The following DST variants were observed in gnomAD, a reference collection of about 807,000 sequenced individuals.
The protein encoded by DST is dystonin, also known as bullous pemphigoid antigen.
Under a neutral mutation model 875.2 loss-of-function variants are expected in DST, and 253 were observed. The observed-to-expected ratio is 0.29, with a 90% CI of 0.26 to 0.32. The LOEUF (loss-of-function observed/expected upper bound fraction) is 0.32, where lower values mean the gene tolerates loss of function less well. DST is among the 10% of genes least tolerant of loss of function. DST has a pLI of 1.00. For missense variants in DST, 8,287 were observed against 9,111.6 expected (o/e 0.91, Z 3.68); for synonymous variants, 3,124 against 3,197.1 (o/e 0.98, Z 0.77).
chr6:56,633,274 T>G (rs921173567), intron 27 of DST, among the ~76,000 whole-genome samples: 1 of 147,282 alleles, frequency 6.8e-6, no homozygotes, highest in Non-Finnish European at 1.5e-5. Flanking sequence ...TCGCCCAGGC[T>G]GGAGTGCAGT....
chr6:56,678,870 T>G (rs1037873799), intron 9 of DST, among the ~76,000 whole-genome samples: 1 of 152,216 alleles, frequency 6.6e-6, no homozygotes, highest in African/African-American at 2.4e-5. Context: ...TTCCCACAAA[T>G]TGCTGCCGCC....
In DST at chr6:56,664,326, G is replaced by A. The variant is rs567011725; in HGVS notation, c.1214+6315C>T. On this transcript the variant is annotated intron_variant, in intron 10 of 103. Transcript: ENST00000680361. ...GGAGAGAATGAGAGAAGCCAGACAA[G>A]TCAGAGGCTAAATTTCAAGCTGGAA... Among the ~76,000 whole-genome samples the A allele has an allele frequency of 1.1e-4, 17 of 152,340 alleles. No individual in the cohort carries two copies. In the South Asian group the frequency reaches 2.9e-3, roughly 26 times the overall value.
intron 4 of DST, among the ~76,000 whole-genome samples, chr6:56,747,590 A>C (rs2099576378): frequency 1.3e-5 from 2 of 152,222 alleles, no homozygotes; most frequent in Admixed American, 1.3e-4. Context: ...TGCTGATCTG[A>C]GTCACTGTTT....
At chr6:56,836,667 G>A (rs2099793916) in intron 4 of DST, among the ~76,000 whole-genome samples, 1 of 151,536 alleles carries the variant, frequency 6.6e-6, no homozygotes, top group Non-Finnish European at 1.5e-5. Flanking sequence ...TGGCTAACAC[G>A]GTGAAACCCC....
At chr6:56,743,891 C>T (rs544456464) in intron 4 of DST, among the ~76,000 whole-genome samples, 2 of 152,206 alleles carry the variant, frequency 1.3e-5, no homozygotes, top group Admixed American at 6.5e-5. Context: ...TGATGGCTCA[C>T]GCCTGTAATC....
chr6:56,728,098 A>G (rs2099474381), intron 5 of DST, among the ~76,000 whole-genome samples: 1 of 152,224 alleles, frequency 6.6e-6, no homozygotes, highest in Admixed American at 6.5e-5. Context: ...AGAAGAAGAA[A>G]AACTATAAGT....
At position 56,629,370 on chromosome 6, in the gene DST, G is replaced by A. The variant is rs1204319451; in HGVS notation, c.4355C>T (p.Ala1452Val). The A allele has an allele frequency of 6.2e-7, 1 of 1,613,552 alleles. No individual in the cohort carries two copies. The highest frequency in any genetic ancestry group is 1.1e-5 in the South Asian group (1 of 91,070). ...CGTTTTAAACATTTCATCACTGATG[G>A]CTTTAGCTTTCTGCAACTCATCCTC... Reference protein sequence around the residue: ...ALEDELQKAKAISDEMFKTYK... With the variant: ...ALEDELQKAKVISDEMFKTYK... The change falls in exon 32 of 104, where the codon GCC (alanine) becomes GTC (valine). Residue 1452 changes from alanine (A) to valine (V), a missense_variant. Around this residue, in one of 10 missense-constraint regions of DST, gnomAD observed 3,138 missense variants for 3,116.6 expected, o/e 1.01. Transcript: ENST00000680361.
chr6:56,843,412 A>C, intron 4 of DST: 1 of 1,094,350 alleles, frequency 9.1e-7, no homozygotes, highest in Non-Finnish European at 1.1e-6. Flanking sequence ...GGGTTTCAGC[A>C]GCGGCAAATC....
chr6:56,794,646 G>C (rs1291034951), intron 4 of DST, among the ~76,000 whole-genome samples: 2 of 152,182 alleles, frequency 1.3e-5, no homozygotes, highest in African/African-American at 4.8e-5. Flanking sequence ...GTCTAAGACA[G>C]AGATTCCTCT....
intron 13 of DST, among the ~76,000 whole-genome samples, chr6:56,646,672 C>G (rs2098944629): frequency 6.6e-6 from 1 of 151,718 alleles, no homozygotes. Context: ...CAATGTCCCA[C>G]TGGCAAATTT....
chr6:56,929,202 C>T (rs9475755), intron 2 of DST, among the ~76,000 whole-genome samples: 4,449 of 152,150 alleles, frequency 0.029, 194 homozygotes, highest in African/African-American at 0.1. Flanking sequence ...TATTTGATTC[C>T]ATAATTCTCC....
At chr6:56,619,536 T>C in intron 36 of DST, 1 of 1,612,838 alleles carries the variant, frequency 6.2e-7, no homozygotes, top group Non-Finnish European at 8.5e-7. Context: ...TGCTGAATAT[T>C]CTTCTCAGCT....
chr6:56,566,806 T>C (rs149872890), intron 55 of DST, among the ~76,000 whole-genome samples: 1 of 152,226 alleles, frequency 6.6e-6, no homozygotes, highest in Non-Finnish European at 1.5e-5. Context: ...CTGGTGCAGT[T>C]ACATGGTGTT....
At chr6:56,514,974 T>G in intron 72 of DST, among the ~76,000 whole-genome samples, 1 of 152,212 alleles carries the variant, frequency 6.6e-6, no homozygotes, top group Non-Finnish European at 1.5e-5. Context: ...CTTCATCATT[T>G]TTCCTTTTCA....
chr6:56,900,987 G>A (rs1218903021), intron 2 of DST, among the ~76,000 whole-genome samples: 1 of 152,028 alleles, frequency 6.6e-6, no homozygotes, highest in African/African-American at 2.4e-5. Context: ...TAGAGTGTAG[G>A]GAGCGGGACA....
intron 50 of DST, among the ~76,000 whole-genome samples, chr6:56,575,667 T>G (rs1475205816): frequency 1.3e-5 from 2 of 152,164 alleles, no homozygotes; most frequent in Non-Finnish European, 2.9e-5. Context: ...GATGTGATAT[T>G]ATCATATAAT....
chr6:56,680,192 A>G (rs983258347), intron 9 of DST, among the ~76,000 whole-genome samples: 1 of 152,122 alleles, frequency 6.6e-6, no homozygotes, highest in African/African-American at 2.4e-5. Flanking sequence ...TCACACCTCT[A>G]CCTGTTTTGA....
Position 56,458,699 on chromosome 6 carries a change from A to C in DST, c.*306T>G, listed in dbSNP as rs1023005356. 1.9e-5 allele frequency: 4 copies of C among 205,876 alleles called. No individual in the cohort carries two copies. Among genetic ancestry groups the C allele is most frequent in the African/African-American group, 9.2e-5 (4 of 43,384 alleles). 12.8% of individuals were successfully genotyped at this position (205,876 alleles called of 1,614,324 possible). On this transcript the variant is annotated 3_prime_UTR_variant, in exon 104 of 104. Coordinates refer to ENST00000680361, the MANE Select transcript of DST (RefSeq NM_001374736.1). ...GGATTGATGTAGTGCTGTGGCTGTC[A>C]GAGAGGATGTAGACTTACCTGTAGG... is the stretch of plus-strand genomic sequence containing the variant.
At chr6:56,613,295 A>AAT (rs1201443369) in intron 37 of DST, among the ~76,000 whole-genome samples, 5 of 152,190 alleles carry the variant, frequency 3.3e-5, no homozygotes, top group African/African-American at 1.2e-4. Flanking sequence ...AGTATGTAAG[A>AAT]CTATGACTGA....
Sources: allele counts gnomAD v4.1 joint callset (sites outside exome capture counted in the v4.1 genomes callset), GRCh38; gene constraint gnomAD v4.1.1; regional missense constraint gnomAD v4.1.1; transcripts MANE v1.5; gene names NCBI Gene and HGNC (gene_info 2026-07-23, HGNC 2026-07-21).